AADAT: variants seen among roughly 807,000 people sequenced by gnomAD.
AADAT encodes aminoadipate aminotransferase.
Under a neutral mutation model 56.2 loss-of-function variants are expected in AADAT, and 25 were observed. That is an observed-to-expected ratio of 0.44 (90% CI 0.32 to 0.62). The LOEUF (loss-of-function observed/expected upper bound fraction) is 0.62. AADAT is among the 20% of genes least tolerant of loss of function. AADAT has a pLI of 0.04. For synonymous variants in AADAT, 173 were observed against 164.7 expected, an observed-to-expected ratio of 1.05 and a Z score of -0.39; for missense variants, 387 against 510.5, an observed-to-expected ratio of 0.76 and a Z score of 2.33.
At chr4:170,078,120 A>G (rs921384126) in intron 4 of AADAT, among the ~76,000 whole-genome samples, 30 of 152,230 alleles carry the variant, frequency 2.0e-4, no homozygotes, top group African/African-American at 6.3e-4. Flanking sequence ...CCATATAAGT[A>G]TACTAAACTG....
At position 170,086,989 on chromosome 4, in the gene AADAT, C is replaced by A; in HGVS notation, c.369+127G>T. ...GTCTTTTAGTTCCCTGTTTATAATT[C>A]TAGGTGAAGACAAGAAAGACTACCA... On this transcript the variant is annotated intron_variant, in intron 3 of 12. Coordinates refer to ENST00000337664, the MANE Select transcript of AADAT (RefSeq NM_016228.4). 1.1e-5 allele frequency: 13 copies of A among 1,183,970 alleles called. No homozygotes were observed. The East Asian group carries it at 1.4e-4, about 13-fold the overall frequency. The allele number at this position is 1,183,970 out of a possible 1,614,324, so 73.3% of individuals were successfully genotyped here.
At chr4:170,078,626 T>G (rs753574536) in intron 3 of AADAT, 43 bp from the exon 4 acceptor site, 1 of 1,384,798 alleles carries the variant, frequency 7.2e-7, no homozygotes, top group Non-Finnish European at 1.0e-6. Context: ...CAGCATAGGT[T>G]AGTACTGTTT....
In AADAT at chr4:170,083,546, A is replaced by C. The variant is rs147377626; in HGVS notation, c.369+3570T>G. Among the ~76,000 whole-genome samples the C allele has an allele frequency of 3.1e-3, 466 of 151,960 alleles. 3 individuals are homozygous for C. The highest frequency in any genetic ancestry group is 4.9e-3 in the Admixed American group (75 of 15,292). On this transcript the variant is annotated intron_variant, in intron 3 of 12. Coordinates refer to ENST00000337664, the MANE Select transcript of AADAT (RefSeq NM_016228.4). ...GACAAGGGATTAACAAGTCAATAGC[A>C]AAACCCCCAAATAATCCCATTAAAA...
chr4:170,069,299 TAG>T (rs2111160742), intron 6 of AADAT, 69 bp from the exon 7 acceptor site: 1 of 1,253,142 alleles, frequency 8.0e-7, no homozygotes, highest in Non-Finnish European at 1.1e-6. Context: ...TTATTTTGAA[TAG>T]AGAGTAGAAC....
At chr4:170,088,249 T>TG in intron 2 of AADAT, 147 bp downstream of exon 2, 2 of 733,612 alleles carry the variant, frequency 2.7e-6, no homozygotes, top group Non-Finnish European at 4.1e-6. Flanking sequence ...ACTGAGTATT[T>TG]GGTCATTGAA....
intron 4 of AADAT, among the ~76,000 whole-genome samples, chr4:170,075,692 A>G (rs965022533): frequency 3.9e-5 from 6 of 152,102 alleles, no homozygotes; most frequent in African/African-American, 1.4e-4. Context: ...TCTATTTCCA[A>G]AACTTTTTCC....
chr4:170,067,567 G>A (rs1040222105), intron 8 of AADAT, among the ~76,000 whole-genome samples, 179 bp from the exon 9 acceptor site: 12 of 152,238 alleles, frequency 7.9e-5, no homozygotes, highest in African/African-American at 2.9e-4. Context: ...GATAATACTA[G>A]TAAAAATAAC....
chr4:170,090,800 G>A (rs956955958), upstream of AADAT, among the ~76,000 whole-genome samples: 2 of 152,110 alleles, frequency 1.3e-5, no homozygotes, highest in African/African-American at 4.8e-5. Flanking sequence ...AAGGGTTTCA[G>A]ACAACCTCTC....
At chr4:170,089,108 G>A (rs1318780462) in intron 1 of AADAT, among the ~76,000 whole-genome samples, 2 of 152,144 alleles carry the variant, frequency 1.3e-5, no homozygotes, top group African/African-American at 2.4e-5. Flanking sequence ...ACTTTTTCTA[G>A]GCACCTCACT....
upstream of AADAT, among the ~76,000 whole-genome samples, chr4:170,091,352 A>G (rs914008195): frequency 4.6e-5 from 7 of 152,100 alleles, no homozygotes; most frequent in African/African-American, 1.7e-4. Context: ...AGACCCGGGT[A>G]GTGAGGGGCT....
At chr4:170,064,067 C>T (rs1731325123) in intron 11 of AADAT, among the ~76,000 whole-genome samples, 2 of 151,724 alleles carry the variant, frequency 1.3e-5, no homozygotes, top group Admixed American at 1.3e-4. Context: ...AAGTGCACAG[C>T]CAAAATACTG....
At chr4:170,093,273 T>C (rs1324663921), upstream of AADAT, among the ~76,000 whole-genome samples, 1 of 152,006 alleles carries the variant, frequency 6.6e-6, no homozygotes, top group Non-Finnish European at 1.5e-5. Flanking sequence ...TACTAAAAAA[T>C]ACAAAAATTA....
chr4:170,073,414 T>C (rs1731870282), intron 4 of AADAT, 69 bp from the exon 5 acceptor site: 5 of 1,383,890 alleles, frequency 3.6e-6, no homozygotes, highest in Non-Finnish European at 4.9e-6. Flanking sequence ...TTTTTTTTTT[T>C]TCTTTCTAAC....
chr4:170,094,021 GTTTTCAACCCTTAAACAGTTTGCTGAA>G (rs929717216), upstream of AADAT, among the ~76,000 whole-genome samples: 5 of 152,332 alleles, frequency 3.3e-5, no homozygotes, highest in African/African-American at 1.2e-4. Flanking sequence ...TAAGGTGCAG[GTTTTCAACCCTTAAACAGTTTGCTGAA>G]TTTTCTATTT....
intron 3 of AADAT, among the ~76,000 whole-genome samples, chr4:170,085,890 A>G (rs1014387764): frequency 2.6e-5 from 4 of 152,200 alleles, no homozygotes; most frequent in African/African-American, 9.6e-5. Flanking sequence ...TCATATTTCC[A>G]TGAAAAAGAA....
chr4:170,080,304 C>G (rs1223755425), intron 3 of AADAT, among the ~76,000 whole-genome samples: 1 of 152,118 alleles, frequency 6.6e-6, no homozygotes, highest in Non-Finnish European at 1.5e-5. Context: ...ACCCCTCCTC[C>G]CAATTCTGCC....
At chr4:170,062,104 TAAAG>T in intron 11 of AADAT, 111 bp from the exon 12 acceptor site, 1 of 610,400 alleles carries the variant, frequency 1.6e-6, no homozygotes, top group Admixed American at 3.4e-5. Flanking sequence ...TAAAAGCAGT[TAAAG>T]AAATCACAAG....
At chr4:170,067,592 T>C (rs1167005576) in intron 8 of AADAT, among the ~76,000 whole-genome samples, 1 of 152,228 alleles carries the variant, frequency 6.6e-6, no homozygotes, top group Non-Finnish European at 1.5e-5. Flanking sequence ...ATTGATATAC[T>C]ATTTGTTATG....
intron 11 of AADAT, among the ~76,000 whole-genome samples, chr4:170,063,370 G>A (rs895184175): frequency 1.3e-5 from 2 of 152,162 alleles, no homozygotes; most frequent in Non-Finnish European, 2.9e-5. Flanking sequence ...CTGAAGAAGA[G>A]TAGAGTAAAA....
Sources: allele counts gnomAD v4.1 joint callset (sites outside exome capture counted in the v4.1 genomes callset), GRCh38; gene constraint gnomAD v4.1.1; transcripts MANE v1.5; gene names NCBI Gene and HGNC (gene_info 2026-07-23, HGNC 2026-07-21).